Variants in HS6ST2 observed in about 807,000 individuals in gnomAD.
The protein encoded by HS6ST2 is heparan sulfate 6-O-sulfotransferase 2.
HS6ST2 carries 17 observed loss-of-function variants against 33.0 expected under a neutral mutation model. That is an observed-to-expected ratio of 0.52 (90% CI 0.35 to 0.77). HS6ST2 has a LOEUF of 0.77. Among genes scored for constraint, HS6ST2 ranks in the 30% least tolerant of loss-of-function variants. HS6ST2 has a pLI of 0.01. For synonymous variants in HS6ST2, 248 were observed against 237.1 expected (o/e 1.05, Z -0.42); for missense variants, 519 against 551.7 (o/e 0.94, Z 0.59).
intron 2 of HS6ST2, among the ~76,000 whole-genome samples, chrX:132,932,053 G>C (rs1284922689): frequency 9.2e-6 from 1 of 108,705 alleles, no homozygotes; most frequent in Non-Finnish European, 1.9e-5. Flanking sequence ...GGGCGTGGTG[G>C]TGGGCGCCTG....
chrX:132,874,045 C>T (rs1160193731), intron 2 of HS6ST2, among the ~76,000 whole-genome samples: 1 of 111,394 alleles, frequency 9.0e-6, no homozygotes, highest in Admixed American at 9.6e-5. Context: ...AGCCAGAGGC[C>T]TTGTACACTG....
At chrX:132,888,813 A>G (rs1328776532) in intron 2 of HS6ST2, among the ~76,000 whole-genome samples, 1 of 111,059 alleles carries the variant, frequency 9.0e-6, no homozygotes, top group East Asian at 2.8e-4. Flanking sequence ...CACAATTGGT[A>G]GATTTTATGG....
intron 2 of HS6ST2, among the ~76,000 whole-genome samples, chrX:132,775,970 CA>C (rs1233358970): frequency 9.0e-6 from 1 of 111,495 alleles, no homozygotes; most frequent in African/African-American, 3.3e-5. Flanking sequence ...TTCAAATACT[CA>C]AATTTAGATG....
At chrX:132,777,636 G>A (rs1192460220) in intron 2 of HS6ST2, among the ~76,000 whole-genome samples, 17 of 97,518 alleles carry the variant, frequency 1.7e-4, no homozygotes, top group East Asian at 3.2e-4. Flanking sequence ...CAGTAGAGAC[G>A]AGGTTTCACC....
chrX:132,722,073 A>AGCTACTTG (rs2064335342), intron 2 of HS6ST2, among the ~76,000 whole-genome samples: 2 of 108,087 alleles, frequency 1.9e-5, no homozygotes, highest in African/African-American at 3.4e-5. Context: ...CTGTAGTCCC[A>AGCTACTTG]GCTACTTGGG....
At chrX:132,883,729 A>T (rs1442559421) in intron 2 of HS6ST2, among the ~76,000 whole-genome samples, 1 of 111,134 alleles carries the variant, frequency 9.0e-6, no homozygotes, top group Non-Finnish European at 1.9e-5. Flanking sequence ...CTGTGGCCAT[A>T]AAAGGAGCAG....
chrX:132,896,470 CAAA>C (rs1176818195), intron 2 of HS6ST2, among the ~76,000 whole-genome samples: 3 of 52,229 alleles, frequency 5.7e-5, no homozygotes, highest in Non-Finnish European at 7.2e-5. Flanking sequence ...GACTCCGTCT[CAAA>C]AAAAAAAAAA....
chrX:132,669,912 T>C (rs2063849285), intron 3 of HS6ST2: 2 of 112,641 alleles, frequency 1.8e-5, no homozygotes, highest in Admixed American at 1.9e-4. Context: ...GAATAATTGA[T>C]TGGAGTCTTC....
chrX:132,685,789 G>T (rs1478174113), intron 3 of HS6ST2, among the ~76,000 whole-genome samples: 2 of 111,570 alleles, frequency 1.8e-5, no homozygotes, highest in Non-Finnish European at 3.8e-5. Flanking sequence ...AAAGGACAAA[G>T]ATATCTCTCA....
At chrX:132,713,471 CT>C (rs1199120769) in intron 2 of HS6ST2, among the ~76,000 whole-genome samples, 1 of 111,042 alleles carries the variant, frequency 9.0e-6, no homozygotes, top group African/African-American at 3.3e-5. Context: ...AAAAGCAGAG[CT>C]CAAAGACACG....
At chrX:132,661,361 C>G (rs1434934364) in intron 4 of HS6ST2, among the ~76,000 whole-genome samples, 4 of 107,643 alleles carry the variant, frequency 3.7e-5, no homozygotes, top group African/African-American at 1.3e-4. Context: ...TTGCAGAATA[C>G]AAGATTAATC....
Position 132,627,483 on chromosome X carries a change from T to C in HS6ST2, c.*740A>G, listed in dbSNP as rs1316093773. 1.2e-4 allele frequency: 13 copies of C among 112,643 alleles called. 1 individual carries two copies. The highest frequency in any genetic ancestry group is 5.6e-5 in the Non-Finnish European group (3 of 53,285). The allele number at this position is 112,643 out of a possible 1,213,427, so 9.3% of individuals were successfully genotyped here. A position where few individuals can be genotyped will look rare whatever the true frequency, so the allele number is the denominator to read the frequency against. On this transcript the variant is annotated 3_prime_UTR_variant, in exon 5 of 5. Transcript: ENST00000370833. ...TGAAAGCGCCTGGAAATTAGATCTTTACATTGGTATTTCATTTTGAAAAAA... is the reference window on the plus strand; with the variant it reads ...TGAAAGCGCCTGGAAATTAGATCTTCACATTGGTATTTCATTTTGAAAAAA...
chrX:132,892,294 A>G (rs986889883), intron 2 of HS6ST2, among the ~76,000 whole-genome samples: 1 of 111,304 alleles, frequency 9.0e-6, no homozygotes, highest in African/African-American at 3.3e-5. Context: ...GATAGTGCAC[A>G]CTCTTGCTAC....
chrX:132,646,730 A>G (rs1161565413), intron 4 of HS6ST2, among the ~76,000 whole-genome samples: 2 of 110,459 alleles, frequency 1.8e-5, no homozygotes, highest in African/African-American at 6.6e-5. Flanking sequence ...AGAGTGTATT[A>G]GTCCATTCCC....
Position 132,868,281 on chromosome X carries a change from T to C in HS6ST2, c.947+88527A>G, listed in dbSNP as rs144997383. On this transcript the variant is annotated intron_variant, in intron 2 of 4. Coordinates refer to ENST00000370833, the MANE Select transcript of HS6ST2 (RefSeq NM_001394073.1). ...CAGTACATGAGCACCCAGATTCATA[T>C]AGCAAGTTCTTAGAGACCTATGAAG... 8.0e-5 allele frequency among the ~76,000 whole-genome samples: 9 copies of C among 111,976 alleles called. No homozygotes were observed. In the South Asian group the frequency reaches 2.3e-3, roughly 28 times the overall value.
At chrX:132,881,746 T>C (rs1292543212) in intron 2 of HS6ST2, among the ~76,000 whole-genome samples, 2 of 111,839 alleles carry the variant, frequency 1.8e-5, no homozygotes, top group Non-Finnish European at 3.8e-5. Context: ...TCTAGGGTTT[T>C]TATGGTTTTA....
intron 2 of HS6ST2, among the ~76,000 whole-genome samples, chrX:132,884,022 T>C (rs1315931467): frequency 1.8e-5 from 2 of 112,071 alleles, no homozygotes; most frequent in Non-Finnish European, 3.8e-5. Context: ...AAATGTACTG[T>C]TTTGTGTGGT....
chrX:132,867,192 G>A (rs1379200902), intron 2 of HS6ST2, among the ~76,000 whole-genome samples: 1 of 106,194 alleles, frequency 9.4e-6, no homozygotes, highest in Non-Finnish European at 1.9e-5. Context: ...AGCATGAAGG[G>A]TTGTTGAATT....
At chrX:132,893,245 A>C (rs1459410297) in intron 2 of HS6ST2, among the ~76,000 whole-genome samples, 2 of 112,213 alleles carry the variant, frequency 1.8e-5, no homozygotes, top group Non-Finnish European at 1.9e-5. Flanking sequence ...TCAACCTCTG[A>C]GGATGCCTCC....
Sources: allele counts gnomAD v4.1 joint callset (sites outside exome capture counted in the v4.1 genomes callset), GRCh38; gene constraint gnomAD v4.1.1; transcripts MANE v1.5; gene names NCBI Gene and HGNC (gene_info 2026-07-23, HGNC 2026-07-21).